GFRA1: variants seen among roughly 807,000 people sequenced by gnomAD.
GFRA1 encodes the protein GDNF family receptor alpha-1.
In GFRA1, 16 loss-of-function variants were observed where a neutral mutation model predicts 51.6. The ratio of observed to expected loss-of-function variants is 0.31; its 90% CI spans 0.21 to 0.47. The LOEUF (loss-of-function observed/expected upper bound fraction) is 0.47, where lower values mean the gene tolerates loss of function less well. Ranked by LOEUF, GFRA1 falls within the 20% of genes least tolerant of loss-of-function variation. The pLI is 1.00. For missense variants in GFRA1, 530 were observed against 594.3 expected, an observed-to-expected ratio of 0.89 and a Z score of 1.13; for synonymous variants, 270 against 241.3, an observed-to-expected ratio of 1.12 and a Z score of -1.10.
In GFRA1 at chr10:116,270,866, T is replaced by A. The variant is rs1843860134; in HGVS notation, c.290A>T (p.Lys97Met). ...CRCKRGMKKE[K>M]NCLRIYWSMY... ...GCTCCAGTAAATGCGCAGGCAGTTCTTCTCCTTCTTCATACCCCGCTTGCA... is the reference window on the plus strand; with the variant it reads ...GCTCCAGTAAATGCGCAGGCAGTTCATCTCCTTCTTCATACCCCGCTTGCA... The change falls in exon 3 of 11, where the codon AAG becomes ATG. Residue 97 changes from lysine (K) to methionine (M), a missense_variant. Physicochemically the swap from Lys to Met is moderately conservative, Grantham distance 95. Coordinates refer to ENST00000355422, the MANE Select transcript of GFRA1 (RefSeq NM_005264.8). The A allele has an allele frequency of 1.2e-5, 19 of 1,613,982 alleles. No individual in the cohort carries two copies. The highest frequency in any genetic ancestry group is 1.6e-5 in the Non-Finnish European group (19 of 1,180,030).
rs551555323 is a variant in GFRA1 at position 116,252,246 on chromosome 10, C to T, written c.418+17257G>A. ...CAGTCTCCAAGGCTCGCCCACAATA[C>T]GAGCAGCAAGCCGAATCCGCATGAG... is the stretch of plus-strand genomic sequence containing the variant. On this transcript the variant is annotated intron_variant, in intron 4 of 10. Coordinates refer to ENST00000355422, the MANE Select transcript of GFRA1 (RefSeq NM_005264.8). Among the ~76,000 whole-genome samples the T allele has an allele frequency of 2.2e-4, 33 of 152,162 alleles. 2 individuals are homozygous for T. The South Asian group carries it at 5.8e-3, about 27-fold the overall frequency.
At chr10:116,095,544 A>G (rs754788998) in intron 7 of GFRA1, among the ~76,000 whole-genome samples, 3 of 152,240 alleles carry the variant, frequency 2.0e-5, no homozygotes, top group Non-Finnish European at 2.9e-5. Context: ...CATTGGCCCA[A>G]TCAATAAAAA....
At position 116,272,461 on chromosome 10, in the gene GFRA1, G is replaced by C. The variant is rs1027103834; in HGVS notation, c.-246-186C>G. 1.7e-5 allele frequency: 5 copies of C among 285,904 alleles called. No individual in the cohort carries two copies. The highest frequency in any genetic ancestry group is 3.4e-5 in the Non-Finnish European group (5 of 147,006). The allele number at this position is 285,904 out of a possible 1,614,324, so 17.7% of individuals were successfully genotyped here. ...GCCGCTGACACGGGGATGGAGGTGA[G>C]GGCTGGAGAGGTCTGAAGAGGGTTC... On this transcript the variant is annotated intron_variant, in intron 1 of 10. Coordinates refer to ENST00000355422, the MANE Select transcript of GFRA1 (RefSeq NM_005264.8). The surrounding 1 kb of genome is among the most constrained non-coding windows in gnomAD (Gnocchi z 4.4).
At chr10:116,188,278 C>A (rs939533194) in intron 5 of GFRA1, among the ~76,000 whole-genome samples, 2 of 152,168 alleles carry the variant, frequency 1.3e-5, no homozygotes, top group African/African-American at 2.4e-5. Flanking sequence ...TGAGGACCTG[C>A]GTCCCTGCTC....
Position 116,251,963 on chromosome 10 carries a change from C to CTTTTTTTT in GFRA1, c.418+17532_418+17539dup, listed in dbSNP as rs3032041. 1.2e-3 allele frequency among the ~76,000 whole-genome samples: 93 copies of CTTTTTTTT among 79,812 alleles called. 4 individuals are homozygous for CTTTTTTTT. The highest frequency in any genetic ancestry group is 2.1e-3 in the East Asian group (4 of 1,930). The allele number at this position is 79,812 out of a possible 152,430, so 52.4% of individuals were successfully genotyped here. On this transcript the variant is annotated intron_variant, in intron 4 of 10. Transcript: ENST00000355422. Reference sequence around the variant, plus strand: ...AGAGGACACAGACAACAATAGGCCTCTTTTTTTTTTTTTTTTTTTTTTTTT... The same window carrying CTTTTTTTT: ...AGAGGACACAGACAACAATAGGCCTCTTTTTTTTTTTTTTTTTTTTTTTTTTTTTTTTT...
chr10:116,090,444 A>AAC (rs1432661888), intron 8 of GFRA1, among the ~76,000 whole-genome samples: 21 of 151,272 alleles, frequency 1.4e-4, no homozygotes, highest in African/African-American at 5.1e-4. Flanking sequence ...AAAAAAAAAA[A>AAC]AAAAAAAAAA....
intron 4 of GFRA1, among the ~76,000 whole-genome samples, chr10:116,237,160 C>T (rs1393032071): frequency 2.4e-4 from 37 of 152,160 alleles, no homozygotes; most frequent in Admixed American, 2.4e-3. Flanking sequence ...TATACATAAG[C>T]GTCTTTTTTA....
chr10:116,181,990 C>G (rs1002021453), intron 5 of GFRA1, among the ~76,000 whole-genome samples: 1 of 152,024 alleles, frequency 6.6e-6, no homozygotes, highest in Admixed American at 6.6e-5. Flanking sequence ...ACTCAGCAAG[C>G]TCTGTAGTGA....
intron 5 of GFRA1, 127 bp downstream of exon 5, chr10:116,211,504 T>C (rs7090693): frequency 0.33 from 269,161 of 826,284 alleles, 45,371 homozygotes; most frequent in South Asian, 0.42. Flanking sequence ...CCTCATGGTG[T>C]CCCTGAGGGC....
intron 5 of GFRA1, among the ~76,000 whole-genome samples, chr10:116,175,899 C>T (rs555505687): frequency 1.3e-5 from 2 of 152,114 alleles, no homozygotes; most frequent in South Asian, 4.1e-4. Context: ...AAAAGCAGGC[C>T]CACATGTGAG....
At chr10:116,229,811 G>A (rs900003515) in intron 4 of GFRA1, among the ~76,000 whole-genome samples, 3 of 152,180 alleles carry the variant, frequency 2.0e-5, no homozygotes, top group Admixed American at 6.5e-5. Context: ...GGATGGCTGG[G>A]CCTCCTTCTC....
chr10:116,242,323 T>C (rs757087678), intron 4 of GFRA1, among the ~76,000 whole-genome samples: 10 of 152,180 alleles, frequency 6.6e-5, no homozygotes, highest in Non-Finnish European at 8.8e-5. Flanking sequence ...GTTTTGAAAA[T>C]GTGACCATAA....
intron 5 of GFRA1, among the ~76,000 whole-genome samples, chr10:116,158,932 C>G (rs1033577203): frequency 1.7e-4 from 26 of 152,252 alleles, no homozygotes; most frequent in African/African-American, 6.3e-4. Flanking sequence ...TCACAGCACA[C>G]AGACTGGACC....
At chr10:116,149,330 C>T (rs528544579) in intron 5 of GFRA1, among the ~76,000 whole-genome samples, 40 of 152,172 alleles carry the variant, frequency 2.6e-4, no homozygotes, top group Non-Finnish European at 5.3e-4. Flanking sequence ...ATTAAAAATC[C>T]AAACATGTTA....
At chr10:116,231,545 C>T (rs1284584618) in intron 4 of GFRA1, among the ~76,000 whole-genome samples, 1 of 151,972 alleles carries the variant, frequency 6.6e-6, no homozygotes. Context: ...TAAAGTGTAC[C>T]TATGTTAGGT....
chr10:116,075,656 A>T (rs1955586931), intron 9 of GFRA1, among the ~76,000 whole-genome samples: 1 of 152,194 alleles, frequency 6.6e-6, no homozygotes, highest in African/African-American at 2.4e-5. Flanking sequence ...TCTTAAAAAA[A>T]AATCAACACT....
intron 10 of GFRA1, among the ~76,000 whole-genome samples, 196 bp downstream of exon 10, chr10:116,065,377 C>G (rs2302105): frequency 0.24 from 36,599 of 152,120 alleles, 4,860 homozygotes; most frequent in African/African-American, 0.35. Flanking sequence ...AGGTCCCATG[C>G]TTACTTCCAA....
At chr10:116,258,643 A>G (rs1276550579) in intron 4 of GFRA1, among the ~76,000 whole-genome samples, 1 of 151,998 alleles carries the variant, frequency 6.6e-6, no homozygotes, top group Non-Finnish European at 1.5e-5. Context: ...AATGGGTGCT[A>G]CTGCATGAGT....
chr10:116,137,550 C>T (rs976321533), intron 5 of GFRA1, among the ~76,000 whole-genome samples: 1 of 152,214 alleles, frequency 6.6e-6, no homozygotes. Flanking sequence ...CACCACAGCC[C>T]TGCAACCATC....
Sources: gnomAD v4.1 joint callset for allele counts (sites outside exome capture counted in the v4.1 genomes callset) on GRCh38, gnomAD v4.1.1 for gene constraint, Gnocchi (gnomAD v3.1) non-coding constraint, MANE v1.5 for transcripts, NCBI Gene and HGNC (gene_info 2026-07-23, HGNC 2026-07-21) for gene names.